The following ENKD1 variants were observed in gnomAD, a reference collection of about 807,000 sequenced individuals.
ENKD1 encodes enkurin domain containing 1.
Under a neutral mutation model 35.8 loss-of-function variants are expected in ENKD1, and 39 were observed. The observed-to-expected ratio is 1.09, with a 90% CI of 0.84 to 1.42. The LOEUF is 1.42. Among genes scored for constraint, ENKD1 ranks in the 40% most tolerant of loss-of-function variants. The pLI is 0.00. For missense variants in ENKD1, 474 were observed against 471.3 expected, an observed-to-expected ratio of 1.01 and a Z score of -0.05; for synonymous variants, 205 against 198.6, an observed-to-expected ratio of 1.03 and a Z score of -0.27.
Position 67,663,075 on chromosome 16 carries a change from G to C in ENKD1, c.*86C>G. The C allele has an allele frequency of 6.6e-7, 1 of 1,523,290 alleles. No homozygotes were observed. The highest frequency in any genetic ancestry group is 1.2e-5 in the South Asian group (1 of 80,290). 94.4% of individuals were successfully genotyped at this position (1,523,290 alleles called of 1,614,324 possible). A position where few individuals can be genotyped will look rare whatever the true frequency, so the allele number is the denominator to read the frequency against. On this transcript the variant is annotated 3_prime_UTR_variant, in exon 7 of 7. Coordinates refer to ENST00000243878, the MANE Select transcript of ENKD1 (RefSeq NM_032140.3). Reference sequence around the variant, plus strand: ...CCCCTGCTCCTGTCTTCAGACCTCTGCTCTGGGATTGGGTCCAACCCTGTC... The same window carrying C: ...CCCCTGCTCCTGTCTTCAGACCTCTCCTCTGGGATTGGGTCCAACCCTGTC...
In ENKD1 at chr16:67,663,887, A is replaced by C. The variant is rs368923424; in HGVS notation, c.579+50T>G. ...TGTTGTGTCCCTGAACACCCCCCCC[A>C]CACCAGGAGCCCTGCCCAACCACCA... On this transcript the variant is annotated intron_variant, in intron 4 of 6. Coordinates refer to ENST00000243878, the MANE Select transcript of ENKD1 (RefSeq NM_032140.3). 1.9e-3 allele frequency: 3,126 copies of C among 1,603,876 alleles called. 1 individual carries two copies. The highest frequency in any genetic ancestry group is 2.4e-3 in the Non-Finnish European group (2,844 of 1,175,626).
chr16:67,666,212 G>C lies in ENKD1; in HGVS notation c.139C>G (p.Arg47Gly), dbSNP rs536473919. 1 of 1,609,402 alleles carries C rather than the reference G, an allele frequency of 6.2e-7. No homozygotes were observed. Among genetic ancestry groups the C allele is most frequent in the African/African-American group, 1.3e-5 (1 of 74,964 alleles). Reference sequence around the variant, plus strand: ...CGGGGAGCGGTGGTGTCCAGGGCCCGGTCGGAAGTCAGCAAGTCCAGCTTC... The same window carrying C: ...CGGGGAGCGGTGGTGTCCAGGGCCCCGTCGGAAGTCAGCAAGTCCAGCTTC... ...ALKLDLLTSD[R>G]ALDTTAPRGP... is the part of the protein sequence containing the mutation. The change falls in exon 2 of 7, where the codon CGG becomes GGG. Residue 47 changes from arginine (R) to glycine (G), a missense_variant. By Grantham distance (125) the Arg-to-Gly change is moderately radical. Transcript: ENST00000243878.
Position 67,663,550 on chromosome 16 carries a change from CA to C in ENKD1, c.749del (p.Leu250TrpfsTer39). On this transcript the variant is annotated frameshift_variant, in exon 6 of 7. Coordinates refer to ENST00000243878, the MANE Select transcript of ENKD1 (RefSeq NM_032140.3). LOFTEE classifies it high-confidence loss of function. ...CCCGCCGCCACAGGTCCCTGCGCTC[CA>C]ACAAGCTGTGGGTACACAGGCTCAG... ...TQKGHVPHYLLERRDLWRREA... is the reference protein window; with the variant it reads ...TQKGHVPHYLXERRDLWRREA... 6.2e-7 allele frequency: 1 copy of C among 1,611,820 alleles called. No individual in the cohort carries two copies.
rs1363919429 is a variant in ENKD1 at position 67,663,262 on chromosome 16, C to A, written c.940G>T (p.Ala314Ser). The change falls in exon 7 of 7, where the codon GCC (alanine) becomes TCC (serine). Residue 314 changes from alanine (A) to serine (S), a missense_variant. Physicochemically the swap from Ala to Ser is moderately conservative, Grantham distance 99. Coordinates refer to ENST00000243878, the MANE Select transcript of ENKD1 (RefSeq NM_032140.3). ...LLPAGADSLRAQSHRAELDRK... is the reference protein window; with the variant it reads ...LLPAGADSLRSQSHRAELDRK... ...TCCAGCTCAGCACGGTGGCTCTGGG[C>A]TCTCAGTGAGTCTGCCCCAGCAGGC... The A allele has an allele frequency of 1.2e-6, 2 of 1,613,908 alleles. No individual in the cohort carries two copies. Among genetic ancestry groups the A allele is most frequent in the Non-Finnish European group, 1.7e-6 (2 of 1,180,028 alleles).
At position 67,666,449 on chromosome 16, in the gene ENKD1, G is replaced by A; in HGVS notation, c.-7C>T. The stretch of plus-strand genomic sequence containing the variant: ...GGGACGGGCCCTCGCACATGCCGCC[G>A]GCGCCGCCCAGCAACGGTGCCCCGA... On this transcript the variant is annotated 5_prime_UTR_variant, in exon 1 of 7. Coordinates refer to ENST00000243878, the MANE Select transcript of ENKD1 (RefSeq NM_032140.3). 1.3e-6 allele frequency: 2 copies of A among 1,505,978 alleles called. No individual in the cohort carries two copies. The highest frequency in any genetic ancestry group is 1.8e-6 in the Non-Finnish European group (2 of 1,134,586). The allele number at this position is 1,505,978 out of a possible 1,614,324, so 93.3% of individuals were successfully genotyped here.
Position 67,663,350 on chromosome 16 carries a change from A to G in ENKD1, c.881-29T>C, listed in dbSNP as rs569809896. ...CAGGGGGCCCGGGAACAGTGAGAAC[A>G]GTGAGTGTTGGGCAGGGGTGCCCGG... On this transcript the variant is annotated intron_variant, in intron 6 of 6. Transcript: ENST00000243878. The G allele has an allele frequency of 2.2e-5, 36 of 1,613,072 alleles. No individual in the cohort carries two copies. The East Asian group carries it at 7.8e-4, about 35-fold the overall frequency.
rs1251492914 is a variant in ENKD1, at chr16:67,663,230, C to T, written c.972G>A (p.Lys324=). The stretch of plus-strand genomic sequence containing the variant: ...TGATGGCCTCCTCTACCTGCACCAG[C>T]TTCCGGTCCAGCTCAGCACGGTGGC... ...AQSHRAELDR[K]LVQVEEAIKI... The change falls in exon 7 of 7, where the codon AAG becomes AAA. Residue 324 remains lysine (K), a synonymous_variant. Coordinates refer to ENST00000243878, the MANE Select transcript of ENKD1 (RefSeq NM_032140.3). The T allele has an allele frequency of 1.1e-5, 17 of 1,613,926 alleles. No individual in the cohort carries two copies. Among genetic ancestry groups the T allele is most frequent in the African/African-American group, 1.3e-5 (1 of 74,952 alleles).
In ENKD1 at chr16:67,666,432, C is replaced by A; in HGVS notation, c.11G>T (p.Gly4Val). 7.2e-6 allele frequency: 11 copies of A among 1,530,530 alleles called. No individual in the cohort carries two copies. Among genetic ancestry groups the A allele is most frequent in the Non-Finnish European group, 8.7e-6 (10 of 1,147,688 alleles). The allele number at this position is 1,530,530 out of a possible 1,614,324, so 94.8% of individuals were successfully genotyped here. A position where few individuals can be genotyped will look rare whatever the true frequency, so the allele number is the denominator to read the frequency against. The change falls in exon 1 of 7, where the codon GGC becomes GTC. Residue 4 changes from glycine (G) to valine (V), a missense_variant. By Grantham distance (109) the Gly-to-Val change is moderately radical. Transcript: ENST00000243878. Reference sequence around the variant, plus strand: ...GATGGGCCCCGAGATGCGGGACGGGCCCTCGCACATGCCGCCGGCGCCGCC... The same window carrying A: ...GATGGGCCCCGAGATGCGGGACGGGACCTCGCACATGCCGCCGGCGCCGCC... MCE[G>V]PSRISGPIPP...
Position 67,666,215 on chromosome 16 carries a change from C to T in ENKD1, c.136G>A (p.Asp46Asn), listed in dbSNP as rs2053100414. ...GGAGCGGTGGTGTCCAGGGCCCGGT[C>T]GGAAGTCAGCAAGTCCAGCTTCAGC... ...NALKLDLLTS[D>N]RALDTTAPRG... Residue 46 changes from aspartate (D) to asparagine (N), a missense_variant, in exon 2 of 7, where the codon GAC (aspartate) becomes AAC (asparagine). By Grantham distance (23) the Asp-to-Asn change is conservative (BLOSUM62 1). Transcript: ENST00000243878. The T allele has an allele frequency of 6.2e-7, 1 of 1,608,874 alleles. No individual in the cohort carries two copies. The highest frequency in any genetic ancestry group is 1.3e-5 in the African/African-American group (1 of 74,840).
chr16:67,663,402 C>G lies in ENKD1; in HGVS notation c.880+18G>C, dbSNP rs772946321. 5 of 1,612,468 alleles carry G rather than the reference C, an allele frequency of 3.1e-6. No homozygotes were observed. In the South Asian group the frequency reaches 5.5e-5, roughly 18 times the overall value. ...CCCCAGTGGGGCCCCCCTCCAGCCT[C>G]CCTGCCCAGGTACTCACTCTGGAGC... On this transcript the variant is annotated intron_variant, in intron 6 of 6. Transcript: ENST00000243878.
In ENKD1 at chr16:67,665,127, T is replaced by G; in HGVS notation, c.322A>C (p.Ile108Leu). 1.9e-6 allele frequency: 3 copies of G among 1,613,878 alleles called. No individual in the cohort carries two copies. The highest frequency in any genetic ancestry group is 2.5e-6 in the Non-Finnish European group (3 of 1,179,962). ...CTGAAGCGCTTCTGAATCTCCCTGATCCGCCTCAGGTTCTCCTTCTCATGG... is the reference window on the plus strand; with the variant it reads ...CTGAAGCGCTTCTGAATCTCCCTGAGCCGCCTCAGGTTCTCCTTCTCATGG... ...KDHEKENLRR[I>L]REIQKRFREQ... The change falls in exon 3 of 7, where the codon ATC becomes CTC. Residue 108 changes from isoleucine to leucine, a missense_variant. Coordinates refer to ENST00000243878, the MANE Select transcript of ENKD1 (RefSeq NM_032140.3).
chr16:67,666,585 G>A lies in ENKD1; in HGVS notation c.-143C>T, dbSNP rs959980987. ...TGCCCGCCACTCCCGGGCCCCTGCC[G>A]GTCCCCGCCTGGGCCCCGGCCTCGC... On this transcript the variant is annotated 5_prime_UTR_variant, in exon 1 of 7. Coordinates refer to ENST00000243878, the MANE Select transcript of ENKD1 (RefSeq NM_032140.3). 1.5e-5 allele frequency: 11 copies of A among 748,370 alleles called. No homozygotes were observed. Among genetic ancestry groups the A allele is most frequent in the East Asian group, 3.4e-5 (1 of 29,404 alleles). The allele number at this position is 748,370 out of a possible 1,614,324, so 46.4% of individuals were successfully genotyped here.
chr16:67,665,233 TCA>T (rs1477141045), intron 2 of ENKD1, 65 bp from the exon 3 acceptor site: 1 of 1,538,090 alleles, frequency 6.5e-7, no homozygotes, highest in African/African-American at 1.4e-5. Flanking sequence ...TTCCACTAGT[TCA>T]CACACAGGCC....
rs758963903 is a variant in ENKD1 at position 67,665,037 on chromosome 16, T to C, written c.412A>G (p.Lys138Glu). 1.2e-6 allele frequency: 2 copies of C among 1,612,936 alleles called. No individual in the cohort carries two copies. Among genetic ancestry groups the C allele is most frequent in the South Asian group, 2.2e-5 (2 of 90,990 alleles). The change falls in exon 3 of 7, where the codon AAG becomes GAG. Residue 138 changes from lysine to glutamate, a missense_variant. Physicochemically the swap from Lys to Glu is moderately conservative, Grantham distance 56. Transcript: ENST00000243878. ...RPLKALWRSPKYDKVESRVKA... is the reference protein window; with the variant it reads ...RPLKALWRSPEYDKVESRVKA... Reference sequence around the variant, plus strand: ...ACCCGGGACTCCACCTTGTCGTACTTGGGTGAGCGCCACAGAGCTTTCAGG... The same window carrying C: ...ACCCGGGACTCCACCTTGTCGTACTCGGGTGAGCGCCACAGAGCTTTCAGG...
rs1425304015 is a variant in ENKD1, at chr16:67,663,189, G to C, written c.1013C>G (p.Pro338Arg). Residue 338 changes from proline (P) to arginine (R), a missense_variant, in exon 7 of 7, where the codon CCC becomes CGC. Coordinates refer to ENST00000243878, the MANE Select transcript of ENKD1 (RefSeq NM_032140.3). ...VEEAIKIFSR[P>R]KVFVKMDD ...GTCGTCCATCTTCACGAAGACTTTG[G>C]GCCGAGAAAAGATCTTGATGGCCTC... The C allele has an allele frequency of 6.2e-7, 1 of 1,613,918 alleles. No individual in the cohort carries two copies. Among genetic ancestry groups the C allele is most frequent in the East Asian group, 2.2e-5 (1 of 44,898 alleles).
chr16:67,663,251 G>A lies in ENKD1; in HGVS notation c.951C>T (p.His317=), dbSNP rs367886829. 1.2e-6 allele frequency: 2 copies of A among 1,613,958 alleles called. No homozygotes were observed. The highest frequency in any genetic ancestry group is 1.7e-6 in the Non-Finnish European group (2 of 1,180,030). Residue 317 remains histidine, a synonymous_variant, in exon 7 of 7, where the codon CAC becomes CAT. Coordinates refer to ENST00000243878, the MANE Select transcript of ENKD1 (RefSeq NM_032140.3). ...AGADSLRAQS[H]RAELDRKLVQ... is the part of the protein sequence containing the mutation. Reference sequence around the variant, plus strand: ...CCAGCTTCCGGTCCAGCTCAGCACGGTGGCTCTGGGCTCTCAGTGAGTCTG... The same window carrying A: ...CCAGCTTCCGGTCCAGCTCAGCACGATGGCTCTGGGCTCTCAGTGAGTCTG...
Position 67,666,162 on chromosome 16 carries a change from G to A in ENKD1, c.189C>T (p.Ala63=), listed in dbSNP as rs768225993. ...GCTGGCCGCGCTCCAGGATCTCTCC[G>A]GCACCGGGACCGATGCAGGGGCCAC... The part of the protein sequence containing the change: ...APRGPCIGPG[A]GEILERGQRG... Residue 63 remains alanine (A), a synonymous_variant, in exon 2 of 7, where the codon GCC becomes GCT. Coordinates refer to ENST00000243878, the MANE Select transcript of ENKD1 (RefSeq NM_032140.3). The A allele has an allele frequency of 1.4e-5, 22 of 1,612,566 alleles. No individual in the cohort carries two copies. Among genetic ancestry groups the A allele is most frequent in the East Asian group, 2.2e-5 (1 of 44,886 alleles).
rs765074393 is a variant in ENKD1 at position 67,663,439 on chromosome 16, T to C, written c.861A>G (p.Thr287=). The part of the protein sequence containing the change: ...TRMPENQRLE[T]LTKLLQSQSQ... Reference sequence around the variant, plus strand: ...ACTCACTCTGGAGCAGCTTGGTCAGTGTTTCCAGCCGCTGGTTCTCAGGCA... The same window carrying C: ...ACTCACTCTGGAGCAGCTTGGTCAGCGTTTCCAGCCGCTGGTTCTCAGGCA... Residue 287 remains threonine (T), a synonymous_variant, in exon 6 of 7, where the codon ACA becomes ACG. Transcript: ENST00000243878. The C allele has an allele frequency of 9.3e-6, 15 of 1,613,098 alleles. No homozygotes were observed. In the South Asian group the frequency reaches 1.5e-4, roughly 17 times the overall value.
chr16:67,664,251 A>G (rs2053071516), intron 3 of ENKD1, 189 bp from the exon 4 acceptor site: 3 of 691,630 alleles, frequency 4.3e-6, no homozygotes, highest in Non-Finnish European at 5.3e-6. Context: ...GAAAACAACA[A>G]ACCATCTCTC....
Sources: gnomAD v4.1 joint callset for allele counts on GRCh38, gnomAD v4.1.1 for gene constraint, MANE v1.5 for transcripts, NCBI Gene and HGNC (gene_info 2026-07-23, HGNC 2026-07-21) for gene names.